The following IGF1R variants were observed in gnomAD, a reference collection of about 807,000 sequenced individuals.
The protein encoded by IGF1R is insulin-like growth factor 1 receptor.
Under a neutral mutation model 144.6 loss-of-function variants are expected in IGF1R, and 44 were observed. The observed-to-expected ratio is 0.30, with a 90% CI of 0.24 to 0.39. IGF1R has a LOEUF of 0.39. Ranked by LOEUF, IGF1R falls within the 10% of genes least tolerant of loss-of-function variation. IGF1R has a pLI of 1.00. For missense variants in IGF1R, 1,355 were observed against 1,833.7 expected (o/e 0.74, Z 4.77); for synonymous variants, 795 against 722.8 (o/e 1.10, Z -1.60).
At chr15:98,932,429 C>T (rs1193689184) in intron 15 of IGF1R, among the ~76,000 whole-genome samples, 1 of 152,162 alleles carries the variant, frequency 6.6e-6, no homozygotes, top group East Asian at 1.9e-4. Context: ...TAACATTGTG[C>T]ACAGAAACCG....
At chr15:98,654,322 A>G (rs1393146250) in intron 1 of IGF1R, among the ~76,000 whole-genome samples, 1 of 152,166 alleles carries the variant, frequency 6.6e-6, no homozygotes, top group African/African-American at 2.4e-5. Flanking sequence ...GCAGTGTTGT[A>G]GTTGCCTTTT....
chr15:98,673,896 A>G (rs1464840558), intron 1 of IGF1R, among the ~76,000 whole-genome samples: 2 of 152,200 alleles, frequency 1.3e-5, no homozygotes, highest in Non-Finnish European at 2.9e-5. Flanking sequence ...CTCCTCATCC[A>G]GTGAACTTTC....
At chr15:98,912,974 C>G (rs772218351) in intron 7 of IGF1R, 70 bp from the exon 8 acceptor site, 4 of 994,330 alleles carry the variant, frequency 4.0e-6, no homozygotes, top group Non-Finnish European at 6.5e-6. Flanking sequence ...CATGCTGGGC[C>G]TCTGGGGAAG....
chr15:98,763,044 C>CAAAA (rs58091658), intron 2 of IGF1R, among the ~76,000 whole-genome samples: 1 of 134,628 alleles, frequency 7.4e-6, no homozygotes. Flanking sequence ...GGTTCCATCT[C>CAAAA]AAAAAAAAAA....
At chr15:98,757,254 C>T (rs1343608343) in intron 2 of IGF1R, among the ~76,000 whole-genome samples, 1 of 152,052 alleles carries the variant, frequency 6.6e-6, no homozygotes, top group Non-Finnish European at 1.5e-5. Context: ...GCCTCTGTCT[C>T]CTGGATTCAA....
chr15:98,697,583 C>T (rs2053623363), intron 1 of IGF1R, among the ~76,000 whole-genome samples: 2 of 151,798 alleles, frequency 1.3e-5, no homozygotes, highest in South Asian at 4.2e-4. Context: ...GTGGCCAAAC[C>T]TGCTTTCCTT....
At chr15:98,733,696 C>T (rs1380083384) in intron 2 of IGF1R, among the ~76,000 whole-genome samples, 1 of 152,038 alleles carries the variant, frequency 6.6e-6, no homozygotes, top group Non-Finnish European at 1.5e-5. Flanking sequence ...TGGTAGACCT[C>T]CCCCCACTGT....
At chr15:98,846,716 T>A (rs917723238) in intron 2 of IGF1R, among the ~76,000 whole-genome samples, 4 of 152,186 alleles carry the variant, frequency 2.6e-5, no homozygotes, top group Admixed American at 2.0e-4. Context: ...GTGTTTCTCT[T>A]ATGCTGCCTT....
chr15:98,944,179 T>C (rs1188917490), intron 19 of IGF1R, among the ~76,000 whole-genome samples: 2 of 152,180 alleles, frequency 1.3e-5, no homozygotes, highest in Non-Finnish European at 2.9e-5. Flanking sequence ...GGAGGTCAGC[T>C]TGTAGTATAA....
At chr15:98,902,191 G>T (rs566608596) in intron 5 of IGF1R, among the ~76,000 whole-genome samples, 1 of 152,210 alleles carries the variant, frequency 6.6e-6, no homozygotes, top group African/African-American at 2.4e-5. Context: ...CAATAGGAGC[G>T]TTTGGGGTTA....
At position 98,708,009 on chromosome 15, in the gene IGF1R, T is replaced by C. The variant is rs748873108; in HGVS notation, c.542T>C (p.Leu181Pro). The C allele has an allele frequency of 6.2e-7, 1 of 1,614,140 alleles. No individual in the cohort carries two copies. The highest frequency in any genetic ancestry group is 1.1e-5 in the South Asian group (1 of 91,072). The change falls in exon 2 of 21, where the codon CTG becomes CCG. Residue 181 changes from leucine to proline, a missense_variant. By Grantham distance (98) the Leu-to-Pro change is moderately conservative (BLOSUM62 -3). Coordinates refer to ENST00000650285, the MANE Select transcript of IGF1R (RefSeq NM_000875.5). ...AAGCCCCCAAAGGAATGTGGGGACC[T>C]GTGTCCAGGGACCATGGAGGAGAAG... ...GNKPPKECGD[L>P]CPGTMEEKPM... is the part of the protein sequence containing the mutation.
chr15:98,917,104 G>C, intron 10 of IGF1R: 1 of 618,738 alleles, frequency 1.6e-6, no homozygotes, highest in Non-Finnish European at 2.9e-6. Context: ...GGCCACCGGT[G>C]TGACAGGTAC....
At chr15:98,861,370 TC>T (rs1347862859) in intron 2 of IGF1R, among the ~76,000 whole-genome samples, 1 of 152,162 alleles carries the variant, frequency 6.6e-6, no homozygotes, top group Non-Finnish European at 1.5e-5. Context: ...CTAGTCCTTC[TC>T]TTTCACCATG....
At chr15:98,937,829 A>T (rs2016212410) in intron 17 of IGF1R, among the ~76,000 whole-genome samples, 1 of 152,242 alleles carries the variant, frequency 6.6e-6, no homozygotes, top group Non-Finnish European at 1.5e-5. Flanking sequence ...AATATTTAAG[A>T]ATTGTGAGCA....
chr15:98,878,663 C>CAAAAAAAAAAAAA (rs138285597), intron 2 of IGF1R, among the ~76,000 whole-genome samples: 12 of 57,904 alleles, frequency 2.1e-4, no homozygotes, highest in African/African-American at 8.3e-4. Flanking sequence ...GTGAAAGACT[C>CAAAAAAAAAAAAA]AAAAAAAAAA....
intron 2 of IGF1R, chr15:98,873,783 C>T (rs2012910322): frequency 6.6e-6 from 1 of 152,164 alleles, no homozygotes; most frequent in Non-Finnish European, 1.5e-5. Flanking sequence ...GCTGCAGTTA[C>T]CATGTGTGTA....
chr15:98,747,133 A>G (rs1460727573), intron 2 of IGF1R, among the ~76,000 whole-genome samples: 1 of 152,168 alleles, frequency 6.6e-6, no homozygotes, highest in East Asian at 1.9e-4. Context: ...TTGCTCTTCA[A>G]ACTATAGCTC....
intron 2 of IGF1R, among the ~76,000 whole-genome samples, chr15:98,804,226 C>G (rs1030332682): frequency 6.6e-6 from 1 of 152,140 alleles, no homozygotes; most frequent in Non-Finnish European, 1.5e-5. Context: ...TAGCCTGTTT[C>G]ATATATTTAT....
rs182768883 is a variant in IGF1R, at chr15:98,747,053, C to T, written c.640+38946C>T. Among the ~76,000 whole-genome samples the T allele has an allele frequency of 2.0e-3, 299 of 152,298 alleles. 1 individual carries two copies. The highest frequency in any genetic ancestry group is 7.0e-3 in the African/African-American group (291 of 41,564). On this transcript the variant is annotated intron_variant, in intron 2 of 20. Coordinates refer to ENST00000650285, the MANE Select transcript of IGF1R (RefSeq NM_000875.5). ...TTCAAGCTATCAGTTATTTAACTCT[C>T]TAGTGCCAAATGTTCAGGAGAAAAT... is the stretch of plus-strand genomic sequence containing the variant.
Sources: gnomAD v4.1 joint callset for allele counts (sites outside exome capture counted in the v4.1 genomes callset) on GRCh38, gnomAD v4.1.1 for gene constraint, MANE v1.5 for transcripts, NCBI Gene and HGNC (gene_info 2026-07-23, HGNC 2026-07-21) for gene names.